Variants in DISP1 observed in about 807,000 individuals in gnomAD.
The protein encoded by DISP1 is dispatched RND transporter family member 1.
Under a neutral mutation model 37.3 loss-of-function variants are expected in DISP1, and 30 were observed. That is an observed-to-expected ratio of 0.80 (90% CI 0.60 to 1.09). The LOEUF is 1.09. Ranked by LOEUF, DISP1 falls within the 50% of genes least tolerant of loss-of-function variation. The probability of loss-of-function intolerance (pLI) is 0.00; values close to 1 mark genes in which losing one functional copy is unlikely to be tolerated. For missense variants in DISP1, 1,598 were observed against 1,879.5 expected, an observed-to-expected ratio of 0.85 and a Z score of 2.77; for synonymous variants, 634 against 690.2, an observed-to-expected ratio of 0.92 and a Z score of 1.28.
intron 1 of DISP1, among the ~76,000 whole-genome samples, chr1:222,923,235 C>G (rs761782834): frequency 6.6e-6 from 1 of 152,042 alleles, no homozygotes; most frequent in Non-Finnish European, 1.5e-5. Context: ...ACATGGTGGT[C>G]AAGATTGAGA....
At chr1:222,927,622 T>C (rs1039581309) in intron 1 of DISP1, among the ~76,000 whole-genome samples, 5 of 152,202 alleles carry the variant, frequency 3.3e-5, no homozygotes, top group African/African-American at 1.2e-4. Flanking sequence ...AGTTAGTACA[T>C]CCTGCTACAA....
At chr1:222,994,767 C>A in intron 7 of DISP1, 118 bp from the exon 8 acceptor site, 2 of 721,684 alleles carry the variant, frequency 2.8e-6, no homozygotes, top group Non-Finnish European at 4.7e-6. Flanking sequence ...GAATTTCCTG[C>A]TGCTAATGAA....
At chr1:222,953,047 A>G (rs1178835231) in intron 3 of DISP1, among the ~76,000 whole-genome samples, 1 of 152,244 alleles carries the variant, frequency 6.6e-6, no homozygotes, top group Non-Finnish European at 1.5e-5. Flanking sequence ...TTTTGTAAGT[A>G]GATCTAAAAT....
chr1:222,846,721 A>G (rs1035430747), intron 1 of DISP1, among the ~76,000 whole-genome samples: 5 of 152,250 alleles, frequency 3.3e-5, no homozygotes, highest in Non-Finnish European at 7.3e-5. Flanking sequence ...GACAAAGGGA[A>G]GTTTTATGAT....
chr1:222,843,891 C>T (rs1474507748), intron 1 of DISP1, among the ~76,000 whole-genome samples: 1 of 152,118 alleles, frequency 6.6e-6, no homozygotes, highest in African/African-American at 2.4e-5. Context: ...GTAGATAAAT[C>T]ATGTCACTCT....
chr1:223,002,951 G>T lies in DISP1; in HGVS notation c.1554G>T (p.Met518Ile), dbSNP rs1427134868. 6.2e-7 allele frequency: 1 copy of T among 1,613,784 alleles called. No homozygotes were observed. Among genetic ancestry groups the T allele is most frequent in the African/African-American group, 1.3e-5 (1 of 74,936 alleles). ...AIAIVIVLLVMCVYTKSMFIT... is the reference protein window; with the variant it reads ...AIAIVIVLLVICVYTKSMFIT... ...CCATTGTGATTGTCCTTTTAGTTAT[G>T]TGTGTCTACACCAAGTCCATGTTTA... The change falls in exon 9 of 9, where the codon ATG (methionine) becomes ATT (isoleucine). Residue 518 changes from methionine (M) to isoleucine (I), a missense_variant. Met to Ile is a conservative substitution (Grantham distance 10). Transcript: ENST00000675850.
At chr1:222,890,789 T>C (rs961370605) in intron 1 of DISP1, among the ~76,000 whole-genome samples, 7 of 152,272 alleles carry the variant, frequency 4.6e-5, no homozygotes, top group African/African-American at 1.4e-4. Flanking sequence ...CTCTCTCTTA[T>C]CTTCTGGTGG....
At chr1:222,906,898 G>T (rs1018849695) in intron 1 of DISP1, among the ~76,000 whole-genome samples, 1 of 152,152 alleles carries the variant, frequency 6.6e-6, no homozygotes, top group Admixed American at 6.5e-5. Flanking sequence ...CCCTCTCTTA[G>T]GGTCTGGATC....
chr1:222,842,316 A>AT (rs1409155560), intron 1 of DISP1, among the ~76,000 whole-genome samples: 2 of 149,088 alleles, frequency 1.3e-5, no homozygotes, highest in Non-Finnish European at 3.0e-5. Flanking sequence ...GTCATTTTAA[A>AT]AAAAAAAAAA....
chr1:222,888,159 C>T (rs1312400672), intron 1 of DISP1, among the ~76,000 whole-genome samples: 16 of 152,068 alleles, frequency 1.1e-4, no homozygotes, highest in Non-Finnish European at 1.3e-4. Flanking sequence ...ATAAAATTAC[C>T]TGAAATATCA....
At chr1:222,949,609 T>G (rs1403768598) in intron 3 of DISP1, among the ~76,000 whole-genome samples, 1 of 152,074 alleles carries the variant, frequency 6.6e-6, no homozygotes, top group African/African-American at 2.4e-5. Context: ...AATAAGGAAT[T>G]TTATTTTATC....
Position 222,928,429 on chromosome 1 carries a change from G to C in DISP1, c.-158-1G>C, listed in dbSNP as rs1390280458. On this transcript the variant is annotated splice_acceptor_variant, in intron 1 of 8. Coordinates refer to ENST00000675850, the MANE Select transcript of DISP1 (RefSeq NM_001377229.1). LOFTEE classifies it low-confidence loss of function (5UTR_SPLICE). ...GCAATCTGCATGTGCTTGTCATTCAGTCTGTCCTGCCGCTCTGTGGAGCTG... is the reference window on the plus strand; with the variant it reads ...GCAATCTGCATGTGCTTGTCATTCACTCTGTCCTGCCGCTCTGTGGAGCTG... 1 of 152,244 alleles carries C rather than the reference G, an allele frequency of 6.6e-6. No homozygotes were observed. Among genetic ancestry groups the C allele is most frequent in the African/African-American group, 2.4e-5 (1 of 41,462 alleles). 9.4% of individuals were successfully genotyped at this position (152,244 alleles called of 1,614,324 possible).
At chr1:222,836,751 A>G (rs1667150024) in intron 1 of DISP1, among the ~76,000 whole-genome samples, 1 of 147,178 alleles carries the variant, frequency 6.8e-6, no homozygotes, top group Non-Finnish European at 1.5e-5. Context: ...GAATATATAT[A>G]TATATATATA....
intron 1 of DISP1, among the ~76,000 whole-genome samples, chr1:222,842,327 A>AAAGGAATTG (rs1044660464): frequency 5.3e-5 from 8 of 151,172 alleles, no homozygotes; most frequent in African/African-American, 1.9e-4. Context: ...AAAAAAAAAA[A>AAAGGAATTG]GGAATTGTCT....
intron 4 of DISP1, chr1:222,989,330 T>C (rs1341716873): frequency 2.0e-6 from 2 of 979,032 alleles, no homozygotes; most frequent in East Asian, 2.3e-4. Flanking sequence ...AGTTAAATAT[T>C]TTGTCTTGCT....
intron 3 of DISP1, among the ~76,000 whole-genome samples, chr1:222,978,524 A>G (rs1264177914): frequency 2.0e-5 from 3 of 152,158 alleles, no homozygotes; most frequent in Non-Finnish European, 4.4e-5. Context: ...CTTTAGTTTA[A>G]TTAGATCCGA....
chr1:222,989,249 T>A (rs1332594921), intron 4 of DISP1: 2 of 392,012 alleles, frequency 5.1e-6, no homozygotes, highest in Admixed American at 1.3e-4. Flanking sequence ...CTATTTCAAA[T>A]GAGCCAGAAA....
At chr1:222,835,885 G>T (rs1260129911) in intron 1 of DISP1, among the ~76,000 whole-genome samples, 1 of 151,044 alleles carries the variant, frequency 6.6e-6, no homozygotes, top group Non-Finnish European at 1.5e-5. Context: ...CCAGAAGGCG[G>T]AGGAGGTAGC....
At chr1:222,978,704 G>C (rs1677597417) in intron 3 of DISP1, among the ~76,000 whole-genome samples, 1 of 152,166 alleles carries the variant, frequency 6.6e-6, no homozygotes, top group South Asian at 2.1e-4. Context: ...TGTATAAGGT[G>C]TAAGGAAGGG....
Sources: allele counts gnomAD v4.1 joint callset (sites outside exome capture counted in the v4.1 genomes callset), GRCh38; gene constraint gnomAD v4.1.1; transcripts MANE v1.5; gene names NCBI Gene and HGNC (gene_info 2026-07-23, HGNC 2026-07-21).